TIGAR: variants seen among roughly 807,000 people sequenced by gnomAD.
TIGAR encodes the protein TP53 induced glycolysis regulatory phosphatase.
TIGAR carries 7 observed loss-of-function variants against 17.9 expected under a neutral mutation model. The ratio of observed to expected loss-of-function variants is 0.39; its 90% CI spans 0.22 to 0.73. TIGAR has a LOEUF of 0.73. Ranked by LOEUF, TIGAR falls within the 30% of genes least tolerant of loss-of-function variation. The pLI, the probability that TIGAR is intolerant of heterozygous loss-of-function variation, is 0.42. For missense variants in TIGAR, 258 were observed against 327.4 expected, an observed-to-expected ratio of 0.79 and a Z score of 1.64; for synonymous variants, 94 against 108.6, an observed-to-expected ratio of 0.87 and a Z score of 0.84.
chr12:4,359,493 T>C lies in TIGAR; in HGVS notation c.*6802T>C, dbSNP rs1177183668. ...TGAAAGACGCCTGGTGTGCATGGTA[T>C]TTAGAAACCAAGATCTCGGTGCCAG... is the stretch of plus-strand genomic sequence containing the variant. On this transcript the variant is annotated 3_prime_UTR_variant, in exon 6 of 6. Transcript: ENST00000179259. Among the ~76,000 whole-genome samples the C allele has an allele frequency of 2.0e-5, 3 of 152,098 alleles. No homozygotes were observed. Among genetic ancestry groups the C allele is most frequent in the Admixed American group, 6.5e-5 (1 of 15,270 alleles).
chr12:4,339,086 TTGAAA>T (rs1316036398), intron 3 of TIGAR, among the ~76,000 whole-genome samples: 4 of 150,526 alleles, frequency 2.7e-5, no homozygotes, highest in African/African-American at 9.8e-5. Flanking sequence ...ATAATTGAAA[TTGAAA>T]TGAAGACTCC....
chr12:4,331,655 G>A (rs1864604436), intron 2 of TIGAR, among the ~76,000 whole-genome samples: 1 of 152,162 alleles, frequency 6.6e-6, no homozygotes, highest in South Asian at 2.1e-4. Context: ...GAAACATGAA[G>A]TTTACTGACT....
chr12:4,341,768 A>T (rs1254387815), intron 3 of TIGAR, among the ~76,000 whole-genome samples: 1 of 152,236 alleles, frequency 6.6e-6, no homozygotes, highest in African/African-American at 2.4e-5. Context: ...CCAAAGGTAG[A>T]TAAAACCACA....
chr12:4,325,565 A>AT (rs1864536544), intron 1 of TIGAR, among the ~76,000 whole-genome samples: 2 of 151,720 alleles, frequency 1.3e-5, no homozygotes, highest in Non-Finnish European at 2.9e-5. Flanking sequence ...ACATGGTGAA[A>AT]CCCCGTCTCT....
At position 4,321,280 on chromosome 12, in the gene TIGAR, C is replaced by T. The variant is rs1864473868; in HGVS notation, c.9C>T (p.Arg3=). ...GACGCGGCTCCGGGAACATGGCTCG[C>T]TTCGCTCTGACTGTTGTCCGGCAGT... MA[R]FALTVVRHGE... Residue 3 remains arginine (R), a synonymous_variant, in exon 1 of 6, where the codon CGC becomes CGT. Coordinates refer to ENST00000179259, the MANE Select transcript of TIGAR (RefSeq NM_020375.3). The surrounding 1 kb of genome is among the most constrained non-coding windows in gnomAD (Gnocchi z 5.2). 6.2e-7 allele frequency: 1 copy of T among 1,601,178 alleles called. No individual in the cohort carries two copies. Among genetic ancestry groups the T allele is most frequent in the Non-Finnish European group, 8.5e-7 (1 of 1,179,828 alleles).
intron 3 of TIGAR, among the ~76,000 whole-genome samples, 192 bp from the exon 4 acceptor site, chr12:4,349,627 C>T (rs1173484794): frequency 6.6e-6 from 1 of 152,126 alleles, no homozygotes; most frequent in Non-Finnish European, 1.5e-5. Context: ...CCATGTTGGC[C>T]AGGATGGTCT....
chr12:4,350,203 G>A (rs917463793), intron 4 of TIGAR, among the ~76,000 whole-genome samples: 15 of 152,172 alleles, frequency 9.9e-5, no homozygotes, highest in African/African-American at 3.4e-4. Context: ...ACCTAGCTAC[G>A]CTGATGGAAA....
intron 4 of TIGAR, among the ~76,000 whole-genome samples, chr12:4,350,691 C>T (rs748405162): frequency 3.3e-5 from 5 of 151,388 alleles, no homozygotes; most frequent in Admixed American, 2.6e-4. Flanking sequence ...GCAAGAGAAT[C>T]GTTTGAACCC....
intron 4 of TIGAR, 63 bp downstream of exon 4, chr12:4,349,959 C>A (rs1316384741): frequency 8.4e-7 from 1 of 1,188,988 alleles, no homozygotes; most frequent in Non-Finnish European, 1.2e-6. Context: ...CTCAGTTTGT[C>A]ACTTGGCTAA....
chr12:4,330,332 C>A (rs941240037), intron 1 of TIGAR, among the ~76,000 whole-genome samples: 3 of 152,172 alleles, frequency 2.0e-5, no homozygotes, highest in Non-Finnish European at 2.9e-5. Context: ...ATTGAAGAAA[C>A]CTTCCATCAC....
chr12:4,347,841 A>C (rs1411718255), intron 3 of TIGAR, among the ~76,000 whole-genome samples: 2 of 152,216 alleles, frequency 1.3e-5, no homozygotes, highest in South Asian at 2.1e-4. Flanking sequence ...ATAGATTTAA[A>C]ATATGAGAGT....
In TIGAR at chr12:4,351,352, C is replaced by T. The variant is rs547127865; in HGVS notation, c.356C>T (p.Pro119Leu). 3.1e-6 allele frequency: 5 copies of T among 1,613,982 alleles called. No homozygotes were observed. The highest frequency in any genetic ancestry group is 1.1e-5 in the South Asian group (1 of 91,088). The change falls in exon 5 of 6, where the codon CCG becomes CTG. Residue 119 changes from proline to leucine, a missense_variant. Coordinates refer to ENST00000179259, the MANE Select transcript of TIGAR (RefSeq NM_020375.3). ...AAREECPVFT[P>L]PGGETLDQVK... ...AGGGAAGAGTGCCCTGTGTTTACAC[C>T]GCCCGGAGGAGAGACGCTGGACCAG...
chr12:4,327,802 G>T (rs1482459041), intron 1 of TIGAR, among the ~76,000 whole-genome samples: 2 of 152,008 alleles, frequency 1.3e-5, no homozygotes, highest in East Asian at 3.9e-4. Flanking sequence ...CGAGTCGCTG[G>T]GACTACAGGC....
chr12:4,339,975 GA>G (rs1864702056), intron 3 of TIGAR, among the ~76,000 whole-genome samples: 1 of 152,210 alleles, frequency 6.6e-6, no homozygotes, highest in Non-Finnish European at 1.5e-5. Flanking sequence ...TGAGTGAGGA[GA>G]AACTGAAAGC....
Position 4,354,896 on chromosome 12 carries a change from C to CTTT in TIGAR, c.*2217_*2219dup, listed in dbSNP as rs34361486. ...ACAGGCATGCACCACCACGCCTGGC[C>CTTT]TTTTTTTTTTTTTTAGTAGAGACGG... On this transcript the variant is annotated 3_prime_UTR_variant, in exon 6 of 6. Coordinates refer to ENST00000179259, the MANE Select transcript of TIGAR (RefSeq NM_020375.3). Among the ~76,000 whole-genome samples the CTTT allele has an allele frequency of 1.4e-5, 2 of 140,002 alleles. No individual in the cohort carries two copies. The highest frequency in any genetic ancestry group is 2.6e-5 in the African/African-American group (1 of 38,074). The allele number at this position is 140,002 out of a possible 152,430, so 91.8% of individuals were successfully genotyped here. A position where few individuals can be genotyped will look rare whatever the true frequency, so the allele number is the denominator to read the frequency against.
rs767181008 is a variant in TIGAR, at chr12:4,331,277, T to C, written c.33-3T>C. The C allele has an allele frequency of 1.4e-5, 23 of 1,608,798 alleles. No individual in the cohort carries two copies. Among genetic ancestry groups the C allele is most frequent in the Non-Finnish European group, 2.0e-5 (23 of 1,175,200 alleles). On this transcript the variant is annotated splice_region_variant and splice_polypyrimidine_tract_variant and intron_variant, in intron 1 of 5. Transcript: ENST00000179259. The stretch of plus-strand genomic sequence containing the variant: ...TAAGGTTGTCCTTCTCTTTCTATTT[T>C]AGTGGAGAAACAAGATTTAACAAGG...
At chr12:4,331,200 C>T (rs979442068) in intron 1 of TIGAR, 80 bp from the exon 2 acceptor site, 6 of 1,246,630 alleles carry the variant, frequency 4.8e-6, no homozygotes, top group South Asian at 3.6e-5. Flanking sequence ...AGTATCACCA[C>T]ACTTGATTGC....
At chr12:4,326,261 G>A (rs912029336) in intron 1 of TIGAR, among the ~76,000 whole-genome samples, 1 of 152,170 alleles carries the variant, frequency 6.6e-6, no homozygotes. Flanking sequence ...TGACCTTTCA[G>A]CTCCGTTCAC....
Position 4,352,313 on chromosome 12 carries a change from A to G in TIGAR, c.435A>G (p.Lys145=), listed in dbSNP as rs1864845226. The G allele has an allele frequency of 1.2e-6, 2 of 1,614,074 alleles. No individual in the cohort carries two copies. The highest frequency in any genetic ancestry group is 8.5e-7 in the Non-Finnish European group (1 of 1,179,966). The change falls in exon 6 of 6, where the codon AAA becomes AAG. Residue 145 remains lysine (K), a synonymous_variant. Transcript: ENST00000179259. ...AATTTCTTTGTCAACTAATCCTGAAAGAAGCGGATCAAAAAGAACAGTTTT... is the reference window on the plus strand; with the variant it reads ...AATTTCTTTGTCAACTAATCCTGAAGGAAGCGGATCAAAAAGAACAGTTTT... ...FFEFLCQLIL[K]EADQKEQFSQ...
Sources: allele counts gnomAD v4.1 joint callset (sites outside exome capture counted in the v4.1 genomes callset), GRCh38; gene constraint gnomAD v4.1.1; non-coding constraint Gnocchi (gnomAD v3.1); transcripts MANE v1.5; gene names NCBI Gene and HGNC (gene_info 2026-07-23, HGNC 2026-07-21).